The following KATNA1 variants were observed in gnomAD, a reference collection of about 807,000 sequenced individuals.
KATNA1 encodes katanin p60 ATPase-containing subunit A1.
In KATNA1, 42 loss-of-function variants were observed where a neutral mutation model predicts 62.6. The observed-to-expected ratio is 0.67, with a 90% CI of 0.52 to 0.87. The LOEUF (loss-of-function observed/expected upper bound fraction) is 0.87, where lower values mean the gene tolerates loss of function less well. Ranked by LOEUF, KATNA1 falls within the 40% of genes least tolerant of loss-of-function variation. The probability of loss-of-function intolerance (pLI) is 0.00; values close to 1 mark genes in which losing one functional copy is unlikely to be tolerated. For synonymous variants in KATNA1, 186 were observed against 201.9 expected, an observed-to-expected ratio of 0.92 and a Z score of 0.67; for missense variants, 498 against 612.5, an observed-to-expected ratio of 0.81 and a Z score of 1.97.
rs1471265027 is a variant in KATNA1, at chr6:149,648,648, T to C, written c.-193A>G. The C allele has an allele frequency of 6.6e-6, 1 of 152,220 alleles. No individual in the cohort carries two copies. Among genetic ancestry groups the C allele is most frequent in the Non-Finnish European group, 1.5e-5 (1 of 68,164 alleles). 9.4% of individuals were successfully genotyped at this position (152,220 alleles called of 1,614,324 possible). A position where few individuals can be genotyped will look rare whatever the true frequency, so the allele number is the denominator to read the frequency against. On this transcript the variant is annotated 5_prime_UTR_variant, in exon 1 of 11. Coordinates refer to ENST00000367411, the MANE Select transcript of KATNA1 (RefSeq NM_007044.4). ...CACCACCTGCCGGCGCGGCTCCTGC[T>C]CGCCGAGAATTTGAAGACAAACCCG... is the stretch of plus-strand genomic sequence containing the variant.
chr6:149,615,132 C>CAAAAAAAAAAAAAAAAAAAAAA (rs893824279), intron 4 of KATNA1, among the ~76,000 whole-genome samples: 1 of 45,644 alleles, frequency 2.2e-5, no homozygotes, highest in African/African-American at 8.1e-5. Flanking sequence ...GACTCTGTCT[C>CAAAAAAAAAAAAAAAAAAAAAA]AAAAAAAAAA....
Position 149,601,707 on chromosome 6 carries a change from C to CA in KATNA1, c.774dup (p.Ala259CysfsTer2), listed in dbSNP as rs779623407. Reference sequence around the variant, plus strand: ...TTGCATTCTGTAGCTACTGCTTTAGCAAGGAGCGTCTTCCCCGTGCCAGGT... The same window carrying CA: ...TTGCATTCTGTAGCTACTGCTTTAGCAAAGGAGCGTCTTCCCCGTGCCAGGT... On this transcript the variant is annotated frameshift_variant, in exon 7 of 11. Coordinates refer to ENST00000367411, the MANE Select transcript of KATNA1 (RefSeq NM_007044.4). LOFTEE classifies it high-confidence loss of function. 1 of 1,611,956 alleles carries CA rather than the reference C, an allele frequency of 6.2e-7. No homozygotes were observed. Among genetic ancestry groups the CA allele is most frequent in the East Asian group, 2.2e-5 (1 of 44,734 alleles).
intron 7 of KATNA1, 149 bp downstream of exon 7, chr6:149,601,445 G>C (rs2115081869): frequency 2.0e-6 from 1 of 496,274 alleles, no homozygotes; most frequent in East Asian, 3.2e-5. Context: ...ATTCATGTTT[G>C]TAAAGAAATC....
At chr6:149,611,214 A>G (rs924817652) in intron 4 of KATNA1, among the ~76,000 whole-genome samples, 4 of 152,214 alleles carry the variant, frequency 2.6e-5, no homozygotes, top group African/African-American at 4.8e-5. Flanking sequence ...TAATCTCAGC[A>G]CTTTGGGAGG....
intron 1 of KATNA1, among the ~76,000 whole-genome samples, chr6:149,640,307 A>C (rs910832618): frequency 3.3e-5 from 5 of 151,970 alleles, no homozygotes; most frequent in Non-Finnish European, 7.4e-5. Context: ...AAATACAAAA[A>C]TTAGCAGAGC....
At chr6:149,634,118 CAA>C (rs1779964579) in intron 2 of KATNA1, among the ~76,000 whole-genome samples, 1 of 150,892 alleles carries the variant, frequency 6.6e-6, no homozygotes, top group South Asian at 2.1e-4. Flanking sequence ...ATTAAAAATA[CAA>C]AAATTAGCTG....
Position 149,629,103 on chromosome 6 carries a change from C to T in KATNA1, c.320+3656G>A, listed in dbSNP as rs552184382. Among the ~76,000 whole-genome samples the T allele has an allele frequency of 1.2e-4, 19 of 152,080 alleles. No individual in the cohort carries two copies. In the South Asian group the frequency reaches 3.7e-3, roughly 30 times the overall value. The stretch of plus-strand genomic sequence containing the variant: ...CCACCACCCCTCAGAGGAAATCCTC[C>T]CTCTCTGCTTGTGAGACTGAGGTGA... On this transcript the variant is annotated intron_variant, in intron 3 of 10. Transcript: ENST00000367411.
chr6:149,617,493 G>T (rs1261237017), intron 4 of KATNA1, among the ~76,000 whole-genome samples: 2 of 152,148 alleles, frequency 1.3e-5, no homozygotes, highest in East Asian at 3.8e-4. Flanking sequence ...ACATATATAT[G>T]ACATGTGCTA....
At chr6:149,626,371 T>G (rs1216846861) in intron 3 of KATNA1, among the ~76,000 whole-genome samples, 1 of 139,548 alleles carries the variant, frequency 7.2e-6, no homozygotes, top group Non-Finnish European at 1.5e-5. Context: ...CTCCGCTCAC[T>G]GCAAGCTCCG....
chr6:149,638,295 A>C, intron 2 of KATNA1, 91 bp downstream of exon 2: 1 of 1,206,808 alleles, frequency 8.3e-7, no homozygotes, highest in Non-Finnish European at 1.2e-6. Context: ...TACAGTCTTA[A>C]CATGTAACTA....
intron 2 of KATNA1, among the ~76,000 whole-genome samples, chr6:149,635,250 C>G (rs1780024651): frequency 6.6e-6 from 1 of 152,096 alleles, no homozygotes; most frequent in Non-Finnish European, 1.5e-5. Context: ...ATACTCCAGC[C>G]TGGGGAACAG....
At chr6:149,606,011 C>T (rs1008713714) in intron 4 of KATNA1, among the ~76,000 whole-genome samples, 18 of 152,108 alleles carry the variant, frequency 1.2e-4, no homozygotes, top group African/African-American at 4.1e-4. Flanking sequence ...CCGCCCACCT[C>T]GGCCTCCCAA....
chr6:149,630,354 TGCGGTG>T (rs1779783791), intron 3 of KATNA1, among the ~76,000 whole-genome samples: 1 of 152,178 alleles, frequency 6.6e-6, no homozygotes, highest in South Asian at 2.1e-4. Flanking sequence ...TGCGGCTGGG[TGCGGTG>T]GCTCACGCCT....
At chr6:149,605,140 T>A (rs1778689940) in intron 4 of KATNA1, among the ~76,000 whole-genome samples, 1 of 150,410 alleles carries the variant, frequency 6.6e-6, no homozygotes, top group Non-Finnish European at 1.5e-5. Context: ...GCTACTGCAC[T>A]CCAGCCTGGG....
chr6:149,626,860 T>G (rs1779631664), intron 3 of KATNA1, among the ~76,000 whole-genome samples: 1 of 151,134 alleles, frequency 6.6e-6, no homozygotes, highest in Non-Finnish European at 1.5e-5. Flanking sequence ...GGCAGGCGCC[T>G]ATAATCCCAG....
intron 4 of KATNA1, among the ~76,000 whole-genome samples, chr6:149,615,465 A>G (rs902719772): frequency 3.3e-5 from 5 of 152,014 alleles, no homozygotes; most frequent in African/African-American, 7.2e-5. Context: ...TTGGCCTCCC[A>G]AAGTGCTAGG....
chr6:149,611,127 C>T (rs1562285523), intron 4 of KATNA1, among the ~76,000 whole-genome samples: 1 of 152,034 alleles, frequency 6.6e-6, no homozygotes, highest in Non-Finnish European at 1.5e-5. Context: ...GCTTTTACCT[C>T]ATGAATGTAG....
chr6:149,632,316 A>T (rs1323886953), intron 3 of KATNA1, among the ~76,000 whole-genome samples: 1 of 151,512 alleles, frequency 6.6e-6, no homozygotes, highest in Non-Finnish European at 1.5e-5. Context: ...CAGAGATTGC[A>T]GCGAGCCGAG....
chr6:149,632,869 C>T lies in KATNA1; in HGVS notation c.210G>A (p.Met70Ile). 1 of 1,612,556 alleles carries T rather than the reference C, an allele frequency of 6.2e-7. No homozygotes were observed. Among genetic ancestry groups the T allele is most frequent in the Non-Finnish European group, 8.5e-7 (1 of 1,179,566 alleles). ...CCAGTTTAAAGCTCTCTAGTGTTTT[C>T]ATGATATCTTTAACATGTTTAGCTT... Reference protein sequence around the residue: ...NVEAKHVKDIMKTLESFKLDS... With the variant: ...NVEAKHVKDIIKTLESFKLDS... Residue 70 changes from methionine (M) to isoleucine (I), a missense_variant, in exon 3 of 11, where the codon ATG becomes ATA. By Grantham distance (10) the Met-to-Ile change is conservative (BLOSUM62 1). Around this residue, in one of 3 missense-constraint regions of KATNA1, gnomAD observed 203 missense variants for 198.4 expected, o/e 1.02. Coordinates refer to ENST00000367411, the MANE Select transcript of KATNA1 (RefSeq NM_007044.4).
Sources: gnomAD v4.1 joint callset for allele counts (sites outside exome capture counted in the v4.1 genomes callset) on GRCh38, gnomAD v4.1.1 for gene constraint, gnomAD v4.1.1 regional missense constraint, MANE v1.5 for transcripts, NCBI Gene and HGNC (gene_info 2026-07-23, HGNC 2026-07-21) for gene names.